The following NUBPL variants were observed in gnomAD, a reference collection of about 807,000 sequenced individuals.
NUBPL encodes iron-sulfur cluster transfer protein NUBPL.
Under a neutral mutation model 45.7 loss-of-function variants are expected in NUBPL, and 31 were observed. The observed-to-expected ratio is 0.68, with a 90% CI of 0.51 to 0.92. The LOEUF (loss-of-function observed/expected upper bound fraction) is 0.92. NUBPL is among the 40% of genes least tolerant of loss of function. NUBPL has a pLI of 0.00. For synonymous variants in NUBPL, 144 were observed against 140.9 expected (o/e 1.02, Z -0.15); for missense variants, 401 against 398.7 (o/e 1.01, Z -0.05).
intron 7 of NUBPL, among the ~76,000 whole-genome samples, chr14:31,808,743 G>A (rs921070262): frequency 1.3e-5 from 2 of 152,140 alleles, no homozygotes; most frequent in African/African-American, 4.8e-5. Context: ...GTATGATACT[G>A]GCTGTGGGTT....
chr14:31,578,910 G>A (rs565313858), intron 3 of NUBPL, among the ~76,000 whole-genome samples: 51 of 152,278 alleles, frequency 3.3e-4, no homozygotes, highest in African/African-American at 1.1e-3. Context: ...TTACTGTCAG[G>A]ACAAATAACA....
chr14:31,855,743 T>C (rs1414162295), intron 10 of NUBPL, among the ~76,000 whole-genome samples: 2 of 151,956 alleles, frequency 1.3e-5, no homozygotes, highest in Non-Finnish European at 2.9e-5. Flanking sequence ...TGCGAAACAC[T>C]CTTAAAGCAC....
At chr14:31,577,516 C>T (rs1566424120) in intron 3 of NUBPL, among the ~76,000 whole-genome samples, 2 of 152,156 alleles carry the variant, frequency 1.3e-5, no homozygotes, top group African/African-American at 2.4e-5. Flanking sequence ...CAGTTTCAAG[C>T]GATTCCCCTG....
intron 4 of NUBPL, among the ~76,000 whole-genome samples, chr14:31,648,804 C>T (rs1184391993): frequency 1.3e-5 from 2 of 152,144 alleles, no homozygotes; most frequent in African/African-American, 2.4e-5. Context: ...GCAAAGTCCT[C>T]AGGATCGAAG....
intron 4 of NUBPL, among the ~76,000 whole-genome samples, chr14:31,666,250 TA>T (rs1257322132): frequency 0.12 from 11,075 of 95,948 alleles, 1,303 homozygotes; most frequent in African/African-American, 0.23. Flanking sequence ...TATATATATA[TA>T]TATATATATA....
intron 3 of NUBPL, among the ~76,000 whole-genome samples, chr14:31,599,074 T>C (rs1269835420): frequency 6.6e-6 from 1 of 152,164 alleles, no homozygotes; most frequent in African/African-American, 2.4e-5. Context: ...CTAGACGATA[T>C]TAGTAAATCG....
chr14:31,826,841 T>A lies in NUBPL; in HGVS notation c.693+127T>A, dbSNP rs1378329587. Reference sequence around the variant, plus strand: ...AAGTCTTTATGAAAGTCCTAGTTTATCATTTTGGTGACTTTAAAAACACAC... The same window carrying A: ...AAGTCTTTATGAAAGTCCTAGTTTAACATTTTGGTGACTTTAAAAACACAC... On this transcript the variant is annotated intron_variant, in intron 8 of 10. Coordinates refer to ENST00000281081, the MANE Select transcript of NUBPL (RefSeq NM_025152.3). 3 of 843,630 alleles carry A rather than the reference T, an allele frequency of 3.6e-6. No individual in the cohort carries two copies. In the African/African-American group the frequency reaches 5.1e-5, roughly 14 times the overall value. The allele number at this position is 843,630 out of a possible 1,614,324, so 52.3% of individuals were successfully genotyped here.
intron 1 of NUBPL, 145 bp downstream of exon 1, chr14:31,561,692 G>T: frequency 1.7e-6 from 1 of 593,740 alleles, no homozygotes; most frequent in South Asian, 2.8e-5. Flanking sequence ...TTTCAGGCAG[G>T]CCCAGGCTGA....
intron 6 of NUBPL, among the ~76,000 whole-genome samples, chr14:31,781,704 T>G (rs2039194302): frequency 6.6e-6 from 1 of 152,202 alleles, no homozygotes; most frequent in East Asian, 1.9e-4. Context: ...AAAGACTTTT[T>G]AAAATTTCTT....
Position 31,745,661 on chromosome 14 carries a change from T to G in NUBPL, c.514-42119T>G, listed in dbSNP as rs547579648. Reference sequence around the variant, plus strand: ...ATCCTGTTACTTTACTGAGTTTGTTTAGTAATTATAAGAGTTTTTTGGTGG... The same window carrying G: ...ATCCTGTTACTTTACTGAGTTTGTTGAGTAATTATAAGAGTTTTTTGGTGG... On this transcript the variant is annotated intron_variant, in intron 6 of 10. Coordinates refer to ENST00000281081, the MANE Select transcript of NUBPL (RefSeq NM_025152.3). Among the ~76,000 whole-genome samples the G allele has an allele frequency of 1.6e-4, 24 of 152,104 alleles. No homozygotes were observed. In the South Asian group the frequency reaches 2.9e-3, roughly 18 times the overall value.
At chr14:31,678,986 C>T (rs1263497300) in intron 6 of NUBPL, among the ~76,000 whole-genome samples, 2 of 152,170 alleles carry the variant, frequency 1.3e-5, no homozygotes, top group Non-Finnish European at 2.9e-5. Context: ...GAGCGATTCC[C>T]CTCTGGTTAG....
intron 6 of NUBPL, among the ~76,000 whole-genome samples, chr14:31,696,095 G>T (rs1390620313): frequency 6.6e-6 from 1 of 152,196 alleles, no homozygotes; most frequent in Non-Finnish European, 1.5e-5. Context: ...TGCTTGTGCT[G>T]TGTAGTTTTG....
At chr14:31,620,762 G>C (rs2035037877) in intron 4 of NUBPL, among the ~76,000 whole-genome samples, 1 of 152,190 alleles carries the variant, frequency 6.6e-6, no homozygotes, top group Admixed American at 6.5e-5. Flanking sequence ...ACAGGGGTCA[G>C]GGACCCCCTT....
At chr14:31,573,887 T>C (rs575830341) in intron 3 of NUBPL, among the ~76,000 whole-genome samples, 3 of 152,354 alleles carry the variant, frequency 2.0e-5, no homozygotes, top group African/African-American at 7.2e-5. Context: ...ATTTTGGTTT[T>C]ATTCCTTTTT....
intron 6 of NUBPL, among the ~76,000 whole-genome samples, chr14:31,693,010 C>T (rs1007467047): frequency 2.0e-5 from 3 of 151,440 alleles, no homozygotes; most frequent in Middle Eastern, 3.4e-3. Flanking sequence ...CAATGTATGT[C>T]GAAATAAATA....
At chr14:31,776,604 A>G (rs897325140) in intron 6 of NUBPL, among the ~76,000 whole-genome samples, 7 of 152,174 alleles carry the variant, frequency 4.6e-5, no homozygotes, top group Non-Finnish European at 7.4e-5. Context: ...CCTTAGTCCA[A>G]GCACTTAGGT....
chr14:31,697,999 G>A (rs971548981), intron 6 of NUBPL, among the ~76,000 whole-genome samples: 5 of 152,164 alleles, frequency 3.3e-5, no homozygotes, highest in African/African-American at 1.2e-4. Context: ...CAGGCGATGA[G>A]AAGAGTAATA....
At chr14:31,706,727 A>G (rs2037462116) in intron 6 of NUBPL, among the ~76,000 whole-genome samples, 1 of 152,196 alleles carries the variant, frequency 6.6e-6, no homozygotes, top group Non-Finnish European at 1.5e-5. Flanking sequence ...ATTGTAGAGT[A>G]AGGATAGATT....
chr14:31,647,838 A>G (rs2035897795), intron 4 of NUBPL, among the ~76,000 whole-genome samples: 1 of 152,184 alleles, frequency 6.6e-6, no homozygotes, highest in African/African-American at 2.4e-5. Context: ...TTGGCTATCT[A>G]GCTTATTTGT....
Sources: allele counts gnomAD v4.1 joint callset (sites outside exome capture counted in the v4.1 genomes callset), GRCh38; gene constraint gnomAD v4.1.1; transcripts MANE v1.5; gene names NCBI Gene and HGNC (gene_info 2026-07-23, HGNC 2026-07-21).